Variants in PLEKHM2 observed in about 807,000 individuals in gnomAD.
PLEKHM2 encodes pleckstrin homology and RUN domain containing M2, also known as pleckstrin homology domain-containing family M member 2.
A neutral mutation model predicts 116.3 loss-of-function variants in PLEKHM2; 77 were observed. That is an observed-to-expected ratio of 0.66 (90% CI 0.55 to 0.80). The LOEUF (loss-of-function observed/expected upper bound fraction) is 0.80. Among genes scored for constraint, PLEKHM2 ranks in the 30% least tolerant of loss-of-function variants. The pLI is 0.00. For missense variants in PLEKHM2, 1,183 were observed against 1,354.9 expected (o/e 0.87, Z 1.99); for synonymous variants, 562 against 571.0 (o/e 0.98, Z 0.22).
In PLEKHM2 at chr1:15,729,011, C is replaced by T; in HGVS notation, c.1987-91C>T. 8.2e-7 allele frequency: 1 copy of T among 1,225,024 alleles called. No individual in the cohort carries two copies. Among genetic ancestry groups the T allele is most frequent in the African/African-American group, 1.5e-5 (1 of 67,010 alleles). The allele number at this position is 1,225,024 out of a possible 1,614,324, so 75.9% of individuals were successfully genotyped here. On this transcript the variant is annotated intron_variant, in intron 12 of 19. Transcript: ENST00000375799. This position sits in a 1 kb window ranked among gnomAD's most constrained non-coding sequence, Gnocchi z 4.7. ...GTGGTGGCCCGGGGTGTGCTTCTTC[C>T]TCCCCAGCAAGCGCTCAGCCTGGCC...
At chr1:15,706,388 C>T (rs1280851221) in intron 1 of PLEKHM2, among the ~76,000 whole-genome samples, 1 of 141,596 alleles carries the variant, frequency 7.1e-6, no homozygotes, top group Non-Finnish European at 1.5e-5. Flanking sequence ...CTTCTTGGCT[C>T]CTTATTTGTT....
chr1:15,683,957 G>A (rs1331871129), upstream of PLEKHM2, among the ~76,000 whole-genome samples: 1 of 150,390 alleles, frequency 6.6e-6, no homozygotes. Flanking sequence ...CGGGGTCCCA[G>A]GGTCTGTGGG....
rs2068078632 is a variant in PLEKHM2, at chr1:15,727,372, G to A, written c.1300G>A (p.Asp434Asn). 6.2e-7 allele frequency: 1 copy of A among 1,602,204 alleles called. No homozygotes were observed. The highest frequency in any genetic ancestry group is 8.5e-7 in the Non-Finnish European group (1 of 1,175,178). ...CTGGTGCTCCCGTGCTGAGCCCCCA[G>A]ACCAGTCCTTTCGGACCGGCTCTCC... ...STWCSRAEPP[D>N]QSFRTGSPGD... The change falls in exon 9 of 20, where the codon GAC becomes AAC. Residue 434 changes from aspartate to asparagine, a missense_variant. Physicochemically the swap from Asp to Asn is conservative, Grantham distance 23. Transcript: ENST00000375799. The surrounding 1 kb of genome is among the most constrained non-coding windows in gnomAD (Gnocchi z 7.5).
chr1:15,727,746 C>A lies in PLEKHM2; in HGVS notation c.1674C>A (p.Pro558=). 6.2e-7 allele frequency: 1 copy of A among 1,602,908 alleles called. No homozygotes were observed. Among genetic ancestry groups the A allele is most frequent in the East Asian group, 2.3e-5 (1 of 44,444 alleles). Residue 558 remains proline (P), a synonymous_variant, in exon 9 of 20, where the codon CCC becomes CCA. Coordinates refer to ENST00000375799, the MANE Select transcript of PLEKHM2 (RefSeq NM_015164.4). This position sits in a 1 kb window ranked among gnomAD's most constrained non-coding sequence, Gnocchi z 7.5. ...EVLCQLKRDQ[P]SPCLSSAEDS... ...TCTGCCAGCTCAAGCGAGACCAGCC[C>A]AGCCCGTGTCTGAGTAGCGCTGAGG... is the stretch of plus-strand genomic sequence containing the variant.
chr1:15,697,515 A>G (rs1009537194), intron 1 of PLEKHM2, among the ~76,000 whole-genome samples: 3 of 152,252 alleles, frequency 2.0e-5, no homozygotes, highest in South Asian at 2.1e-4. Context: ...TGTTCTGTCA[A>G]TTATGCTAGA....
chr1:15,690,179 G>C (rs1640862293), intron 1 of PLEKHM2, among the ~76,000 whole-genome samples: 1 of 151,388 alleles, frequency 6.6e-6, no homozygotes, highest in Non-Finnish European at 1.5e-5. Flanking sequence ...CAATTCTCGT[G>C]CCTCAACCTC....
chr1:15,724,026 G>A (rs12058043), intron 7 of PLEKHM2, among the ~76,000 whole-genome samples: 27,446 of 152,180 alleles, frequency 0.18, 4,910 homozygotes, highest in African/African-American at 0.47. Context: ...GCCACTGGCC[G>A]TATGGGCTGT....
At position 15,728,054 on chromosome 1, in the gene PLEKHM2, C is replaced by T. The variant is rs773362869; in HGVS notation, c.1761-25C>T. On this transcript the variant is annotated intron_variant, in intron 9 of 19. Transcript: ENST00000375799. The surrounding 1 kb of genome is among the most constrained non-coding windows in gnomAD (Gnocchi z 5.9). ...TCTCACCGCTGCCTGCCTGACATCT[C>T]GCCCTCCTGACTTGGCCCTCACAGA... is the stretch of plus-strand genomic sequence containing the variant. 9 of 1,584,674 alleles carry T rather than the reference C, an allele frequency of 5.7e-6. No homozygotes were observed. Among genetic ancestry groups the T allele is most frequent in the African/African-American group, 2.7e-5 (2 of 74,272 alleles).
chr1:15,706,149 C>T (rs182647828), intron 1 of PLEKHM2, among the ~76,000 whole-genome samples: 299 of 152,282 alleles, frequency 2.0e-3, no homozygotes, highest in Non-Finnish European at 3.5e-3. Flanking sequence ...CCTGTTCTCA[C>T]CTGCCAACAG....
chr1:15,715,140 A>C (rs1175142817), intron 1 of PLEKHM2, among the ~76,000 whole-genome samples: 1 of 152,218 alleles, frequency 6.6e-6, no homozygotes, highest in African/African-American at 2.4e-5. Context: ...CATTGCAGGC[A>C]ATTCTAGTAT....
At chr1:15,725,243 C>G in intron 7 of PLEKHM2, 74 bp from the exon 8 acceptor site, 1 of 1,090,960 alleles carries the variant, frequency 9.2e-7, no homozygotes, top group Non-Finnish European at 1.4e-6. Flanking sequence ...CCCTCCTGGG[C>G]TAACGCATGC....
At chr1:15,709,279 T>A (rs1267064168) in intron 1 of PLEKHM2, among the ~76,000 whole-genome samples, 1 of 152,248 alleles carries the variant, frequency 6.6e-6, no homozygotes, top group Non-Finnish European at 1.5e-5. Flanking sequence ...ATATTTGTTA[T>A]ACTCACCCCA....
chr1:15,702,671 A>G (rs2038482), intron 1 of PLEKHM2, among the ~76,000 whole-genome samples: 54,199 of 138,456 alleles, frequency 0.39, 12,939 homozygotes, highest in African/African-American at 0.7. Flanking sequence ...CTCCACCTTG[A>G]CCTCCCAAAG....
rs2068049751 is a variant in PLEKHM2 at position 15,725,393 on chromosome 1, G to A, written c.789G>A (p.Arg263=). 1 of 1,552,398 alleles carries A rather than the reference G, an allele frequency of 6.4e-7. No homozygotes were observed. Among genetic ancestry groups the A allele is most frequent in the East Asian group, 2.4e-5 (1 of 40,932 alleles). Residue 263 remains arginine, a synonymous_variant, in exon 8 of 20, where the codon AGG becomes AGA. Coordinates refer to ENST00000375799, the MANE Select transcript of PLEKHM2 (RefSeq NM_015164.4). ...TGACCAGCAGCAAGGCCTCCACCAG[G>A]AGCCCCACCCAGCGCCAGAACCCCT... The part of the protein sequence containing the change: ...SDLTSSKAST[R]SPTQRQNPFN...
At chr1:15,722,794 T>TAGAG (rs1365285173) in intron 7 of PLEKHM2, 1 of 152,208 alleles carries the variant, frequency 6.6e-6, no homozygotes, top group Non-Finnish European at 1.5e-5. Flanking sequence ...TGTACCCTCT[T>TAGAG]AGCCCCTCTT....
At chr1:15,715,331 C>CA (rs1326798000) in intron 1 of PLEKHM2, among the ~76,000 whole-genome samples, 2 of 152,164 alleles carry the variant, frequency 1.3e-5, no homozygotes, top group African/African-American at 2.4e-5. Context: ...GCCTGCATGA[C>CA]AGAGTGAGAC....
At chr1:15,696,723 T>C (rs569944765) in intron 1 of PLEKHM2, among the ~76,000 whole-genome samples, 2 of 152,320 alleles carry the variant, frequency 1.3e-5, no homozygotes, top group East Asian at 1.9e-4. Flanking sequence ...GAGCAAATCC[T>C]ACCAAGCTCC....
At chr1:15,714,348 T>TAAA (rs764341573) in intron 1 of PLEKHM2, among the ~76,000 whole-genome samples, 8 of 110,224 alleles carry the variant, frequency 7.3e-5, no homozygotes, top group African/African-American at 2.0e-4. Flanking sequence ...ATTTTGAAAT[T>TAAA]AAAAAAAAAA....
Position 15,729,672 on chromosome 1 carries a change from G to A in PLEKHM2, c.2076-125G>A, listed in dbSNP as rs2068112017. The A allele has an allele frequency of 1.3e-6, 1 of 791,736 alleles. No homozygotes were observed. The highest frequency in any genetic ancestry group is 2.5e-5 in the Admixed American group (1 of 40,284). The allele number at this position is 791,736 out of a possible 1,614,324, so 49.0% of individuals were successfully genotyped here. The stretch of plus-strand genomic sequence containing the variant: ...GCCGCACCTGCCGCCCTGGTCACTG[G>A]GTCTAGCCAGGTCTCTCCCCCAAGT... On this transcript the variant is annotated intron_variant, in intron 13 of 19. Transcript: ENST00000375799. The surrounding 1 kb of genome is among the most constrained non-coding windows in gnomAD (Gnocchi z 4.7).
Sources: allele counts gnomAD v4.1 joint callset (sites outside exome capture counted in the v4.1 genomes callset), GRCh38; gene constraint gnomAD v4.1.1; non-coding constraint Gnocchi (gnomAD v3.1); transcripts MANE v1.5; gene names NCBI Gene and HGNC (gene_info 2026-07-23, HGNC 2026-07-21).